GRIK3: variants seen among roughly 807,000 people sequenced by gnomAD.
The protein encoded by GRIK3 is glutamate receptor ionotropic, kainate 3.
In GRIK3, 29 loss-of-function variants were observed where a neutral mutation model predicts 102.5. The ratio of observed to expected loss-of-function variants is 0.28; its 90% CI spans 0.21 to 0.39. The LOEUF is 0.39. GRIK3 is among the 10% of genes least tolerant of loss of function. GRIK3 has a pLI of 1.00. For synonymous variants in GRIK3, 511 were observed against 504.9 expected (o/e 1.01, Z -0.16); for missense variants, 908 against 1,252.4 (o/e 0.73, Z 4.15).
chr1:36,876,818 C>T (rs1640916590), intron 3 of GRIK3, among the ~76,000 whole-genome samples: 1 of 152,214 alleles, frequency 6.6e-6, no homozygotes, highest in African/African-American at 2.4e-5. Flanking sequence ...CCCTAGTGCT[C>T]ATTGTCTTCT....
rs115026181 is a variant in GRIK3, at chr1:37,022,862, A to G, written c.115+11132T>C. ...GGTGAACAACCTGGCTATGGCCCAT[A>G]CTGGTACAGCACTTATCTCTAAAGT... On this transcript the variant is annotated intron_variant, in intron 1 of 15. Coordinates refer to ENST00000373091, the MANE Select transcript of GRIK3 (RefSeq NM_000831.4). Among the ~76,000 whole-genome samples, 804 of 152,356 alleles carry G rather than the reference A, an allele frequency of 5.3e-3. 9 individuals carry two copies. The highest frequency in any genetic ancestry group is 0.019 in the African/African-American group (774 of 41,578).
At chr1:36,975,524 G>C (rs60664211) in intron 1 of GRIK3, among the ~76,000 whole-genome samples, 5,216 of 152,206 alleles carry the variant, frequency 0.034, 268 homozygotes, top group African/African-American at 0.11. Context: ...TCGATCTCCG[G>C]ACCTCGTGAT....
intron 1 of GRIK3, among the ~76,000 whole-genome samples, chr1:37,013,809 T>C (rs1388638915): frequency 2.0e-5 from 3 of 152,094 alleles, no homozygotes; most frequent in African/African-American, 4.8e-5. Flanking sequence ...GGGTCTACAG[T>C]GTGAGGCTGG....
At position 36,891,046 on chromosome 1, in the gene GRIK3, C is replaced by T. The variant is rs776609884; in HGVS notation, c.166G>A (p.Glu56Lys). ...GCAGAAAATCGAAAGGCATGCTCCT[C>T]GGCATTCATGACCTGGGCGTTGGGG... Reference protein sequence around the residue: ...DGPNAQVMNAEEHAFRFSANI... With the variant: ...DGPNAQVMNAKEHAFRFSANI... The change falls in exon 2 of 16, where the codon GAG (glutamate) becomes AAG (lysine). Residue 56 changes from glutamate (E) to lysine (K), a missense_variant. Physicochemically the swap from Glu to Lys is moderately conservative, Grantham distance 56. Around this residue, in one of 3 missense-constraint regions of GRIK3, gnomAD observed 585 missense variants for 824.9 expected, o/e 0.71. Coordinates refer to ENST00000373091, the MANE Select transcript of GRIK3 (RefSeq NM_000831.4). 3.7e-6 allele frequency: 6 copies of T among 1,613,784 alleles called. No homozygotes were observed. The highest frequency in any genetic ancestry group is 1.6e-4 in the Middle Eastern group (1 of 6,084).
chr1:36,956,376 A>G (rs1205264371), intron 1 of GRIK3, among the ~76,000 whole-genome samples: 1 of 152,212 alleles, frequency 6.6e-6, no homozygotes, highest in Non-Finnish European at 1.5e-5. Flanking sequence ...GCATCTCACC[A>G]GCAGCCATTT....
rs77060221 is a variant in GRIK3 at position 36,838,512 on chromosome 1, G to A, written c.1530+3224C>T. Among the ~76,000 whole-genome samples the A allele has an allele frequency of 5.8e-3, 882 of 152,272 alleles. 6 individuals are homozygous for A. The highest frequency in any genetic ancestry group is 0.02 in the African/African-American group (840 of 41,544). On this transcript the variant is annotated intron_variant, in intron 10 of 15. Coordinates refer to ENST00000373091, the MANE Select transcript of GRIK3 (RefSeq NM_000831.4). ...GTCCCTATAGTTCAAGGTGACTTGC[G>A]GCAGGCGAGTGTGTCAGCAGAAGGC...
At chr1:36,948,887 C>T (rs1641812601) in intron 1 of GRIK3, among the ~76,000 whole-genome samples, 1 of 152,198 alleles carries the variant, frequency 6.6e-6, no homozygotes, top group African/African-American at 2.4e-5. Flanking sequence ...GGAGGCTGCC[C>T]CCTCCTGCCA....
At chr1:36,973,823 G>A (rs1177850376) in intron 1 of GRIK3, among the ~76,000 whole-genome samples, 3 of 152,078 alleles carry the variant, frequency 2.0e-5, no homozygotes, top group South Asian at 2.1e-4. Flanking sequence ...ATGATGCTGC[G>A]TGCCACATCC....
intron 13 of GRIK3, among the ~76,000 whole-genome samples, chr1:36,811,164 G>T (rs1212511126): frequency 1.3e-5 from 2 of 152,142 alleles, no homozygotes; most frequent in Non-Finnish European, 1.5e-5. Flanking sequence ...TGCCCCTAAG[G>T]CTCCATAGGT....
chr1:37,021,494 A>G (rs112460714), intron 1 of GRIK3, among the ~76,000 whole-genome samples: 3 of 152,234 alleles, frequency 2.0e-5, no homozygotes, highest in African/African-American at 7.2e-5. Flanking sequence ...CAGGGATTCA[A>G]TTTCTTTGCT....
intron 1 of GRIK3, among the ~76,000 whole-genome samples, chr1:36,960,274 G>A (rs4653235): frequency 1.3e-5 from 2 of 149,336 alleles, no homozygotes; most frequent in African/African-American, 2.5e-5. Context: ...TGTGACCCGT[G>A]AGCCTGTGAC....
chr1:37,031,237 T>C (rs1294127866), intron 1 of GRIK3, among the ~76,000 whole-genome samples: 2 of 152,202 alleles, frequency 1.3e-5, no homozygotes, highest in East Asian at 1.9e-4. Flanking sequence ...AAATAATCAA[T>C]GATCATTTTT....
intron 1 of GRIK3, among the ~76,000 whole-genome samples, chr1:36,962,343 C>A (rs962933841): frequency 1.8e-4 from 28 of 152,264 alleles, no homozygotes; most frequent in Middle Eastern, 3.4e-3. Context: ...TTCCCAGAAA[C>A]AAGCCACAGA....
chr1:37,013,847 A>G (rs1642624255), intron 1 of GRIK3, among the ~76,000 whole-genome samples: 1 of 152,234 alleles, frequency 6.6e-6, no homozygotes, highest in African/African-American at 2.4e-5. Context: ...AACCTGGGCC[A>G]GCTGGGGAAA....
intron 8 of GRIK3, 142 bp downstream of exon 8, chr1:36,853,473 C>T (rs1186890345): frequency 6.4e-6 from 4 of 623,084 alleles, no homozygotes; most frequent in Non-Finnish European, 1.1e-5. Flanking sequence ...GAGCTACAGG[C>T]TACACTGGAC....
At chr1:36,993,967 G>A (rs1260503415) in intron 1 of GRIK3, among the ~76,000 whole-genome samples, 2 of 152,104 alleles carry the variant, frequency 1.3e-5, no homozygotes, top group East Asian at 3.9e-4. Flanking sequence ...CTTCCCCAGG[G>A]GAGGATCACA....
rs1640699309 is a variant in GRIK3, at chr1:36,859,831, C to T, written c.960+13G>A. 3 of 1,609,602 alleles carry T rather than the reference C, an allele frequency of 1.9e-6. No homozygotes were observed. The highest frequency in any genetic ancestry group is 1.7e-5 in the Admixed American group (1 of 59,958). On this transcript the variant is annotated intron_variant, in intron 6 of 15. Transcript: ENST00000373091. ...GGGAAGCCCCTGGAATTCACCTCAC[C>T]CAGCCGCCTTACCATCATCACTCCA...
At chr1:36,980,359 GGCACCCA>G (rs1313626639) in intron 1 of GRIK3, among the ~76,000 whole-genome samples, 4 of 151,700 alleles carry the variant, frequency 2.6e-5, no homozygotes, top group Non-Finnish European at 4.4e-5. Flanking sequence ...GTTCCACGTG[GGCACCCA>G]GCCCCCTGCA....
At chr1:36,891,606 T>A (rs1326856292) in intron 1 of GRIK3, among the ~76,000 whole-genome samples, 1 of 152,218 alleles carries the variant, frequency 6.6e-6, no homozygotes, top group East Asian at 1.9e-4. Flanking sequence ...GAAGAAATAC[T>A]TCCTTGAAAC....
Sources: gnomAD v4.1 joint callset for allele counts (sites outside exome capture counted in the v4.1 genomes callset) on GRCh38, gnomAD v4.1.1 for gene constraint, gnomAD v4.1.1 regional missense constraint, MANE v1.5 for transcripts, NCBI Gene and HGNC (gene_info 2026-07-23, HGNC 2026-07-21) for gene names.